ADGRL3: variants seen among roughly 807,000 people sequenced by gnomAD.
ADGRL3 encodes calcium-independent alpha-latrotoxin receptor 3.
A neutral mutation model predicts 153.5 loss-of-function variants in ADGRL3; 62 were observed. The ratio of observed to expected loss-of-function variants is 0.40; its 90% CI spans 0.33 to 0.50. ADGRL3 has a LOEUF of 0.50. Ranked by LOEUF, ADGRL3 falls within the 20% of genes least tolerant of loss-of-function variation. ADGRL3 has a pLI of 0.47. For missense variants in ADGRL3, 1,641 were observed against 1,859.4 expected, an observed-to-expected ratio of 0.88 and a Z score of 2.16; for synonymous variants, 710 against 672.5, an observed-to-expected ratio of 1.06 and a Z score of -0.86.
At chr4:61,591,122 A>T (rs1008410090) in intron 5 of ADGRL3, among the ~76,000 whole-genome samples, 1 of 152,164 alleles carries the variant, frequency 6.6e-6, no homozygotes, top group Admixed American at 6.6e-5. Flanking sequence ...GGATTGCCCT[A>T]TCCTGATTTG....
intron 1 of ADGRL3, among the ~76,000 whole-genome samples, chr4:61,205,529 A>G (rs1297105738): frequency 3.9e-5 from 6 of 152,230 alleles, no homozygotes; most frequent in Non-Finnish European, 7.3e-5. Context: ...GAGGAACCCT[A>G]AAGAATACAG....
At chr4:61,533,780 C>T (rs565397449) in intron 4 of ADGRL3, among the ~76,000 whole-genome samples, 15 of 152,086 alleles carry the variant, frequency 9.9e-5, no homozygotes, top group African/African-American at 2.2e-4. Flanking sequence ...ACTTATTACT[C>T]GTGAAATGGA....
intron 1 of ADGRL3, among the ~76,000 whole-genome samples, chr4:61,337,828 G>T (rs961481330): frequency 6.6e-6 from 1 of 151,904 alleles, no homozygotes. Flanking sequence ...CAATTATTTG[G>T]GCAGAGCATT....
At chr4:61,977,053 T>A (rs965393048) in intron 17 of ADGRL3, among the ~76,000 whole-genome samples, 1 of 152,170 alleles carries the variant, frequency 6.6e-6, no homozygotes. Context: ...GAGTTACAAA[T>A]TTTTGCTACT....
intron 12 of ADGRL3, among the ~76,000 whole-genome samples, 164 bp from the exon 13 acceptor site, chr4:61,912,555 T>A (rs997933532): frequency 1.3e-5 from 2 of 152,236 alleles, no homozygotes; most frequent in Non-Finnish European, 2.9e-5. Flanking sequence ...AAGCCATTGC[T>A]TGCTTACATT....
chr4:61,836,217 C>T (rs1255097683), intron 9 of ADGRL3, among the ~76,000 whole-genome samples: 1 of 152,090 alleles, frequency 6.6e-6, no homozygotes, highest in East Asian at 1.9e-4. Context: ...TTTAAAATTT[C>T]TAAACTAGAA....
intron 6 of ADGRL3, among the ~76,000 whole-genome samples, chr4:61,693,853 T>A (rs887570740): frequency 2.6e-5 from 4 of 152,146 alleles, no homozygotes; most frequent in African/African-American, 9.7e-5. Flanking sequence ...AGATATACTT[T>A]GATTCCACTT....
intron 5 of ADGRL3, among the ~76,000 whole-genome samples, chr4:61,615,160 G>T (rs2091852232): frequency 6.6e-6 from 1 of 152,086 alleles, no homozygotes; most frequent in Non-Finnish European, 1.5e-5. Flanking sequence ...GAAAATATTA[G>T]TTTGAGGTAT....
At chr4:61,604,437 A>G (rs2099024044) in intron 5 of ADGRL3, among the ~76,000 whole-genome samples, 1 of 152,224 alleles carries the variant, frequency 6.6e-6, no homozygotes, top group African/African-American at 2.4e-5. Flanking sequence ...AAATACCATA[A>G]TATTTTTCTC....
intron 5 of ADGRL3, among the ~76,000 whole-genome samples, chr4:61,614,455 GA>G (rs2149730489): frequency 6.6e-6 from 1 of 152,190 alleles, no homozygotes; most frequent in Non-Finnish European, 1.5e-5. Context: ...TTCACTGCAG[GA>G]TGTGAGCAAT....
chr4:61,413,110 G>T (rs1030928110), intron 2 of ADGRL3, among the ~76,000 whole-genome samples: 3 of 152,120 alleles, frequency 2.0e-5, no homozygotes, highest in African/African-American at 7.2e-5. Context: ...ACTGCAGGTG[G>T]AGCTGATAGA....
chr4:61,443,051 A>G (rs1358929512), intron 2 of ADGRL3, among the ~76,000 whole-genome samples: 1 of 152,216 alleles, frequency 6.6e-6, no homozygotes, highest in African/African-American at 2.4e-5. Context: ...AGACTTAGAT[A>G]CAAAGCCATT....
At chr4:61,403,691 G>A (rs745684905) in intron 2 of ADGRL3, among the ~76,000 whole-genome samples, 6 of 152,060 alleles carry the variant, frequency 3.9e-5, no homozygotes, top group Non-Finnish European at 7.4e-5. Flanking sequence ...GGAGTCAGAC[G>A]TGCAGTTGAT....
In ADGRL3 at chr4:61,912,722, C is replaced by T; in HGVS notation, c.2077C>T (p.Gln693Ter). 6.2e-7 allele frequency: 1 copy of T among 1,613,186 alleles called. No individual in the cohort carries two copies. Among genetic ancestry groups the T allele is most frequent in the Non-Finnish European group, 8.5e-7 (1 of 1,179,404 alleles). ...TCTGCTGTCTTAATGGATTCAGCTT[C>T]AGAAAAGAGAGCGCTCTTGCAGAGC... Reference protein sequence around the residue: ...DSAARSLNKLQKRERSCRAYV... With the variant: ...DSAARSLNKL The change falls in exon 13 of 27, where the codon CAG (glutamine) becomes TAG (stop). Residue 693 changes from glutamine to a stop codon, truncating the protein, a stop_gained. Coordinates refer to ENST00000683033, the MANE Select transcript of ADGRL3 (RefSeq NM_001387552.1). LOFTEE classifies it high-confidence loss of function.
At chr4:61,488,636 T>G (rs973498379) in intron 2 of ADGRL3, among the ~76,000 whole-genome samples, 2 of 151,988 alleles carry the variant, frequency 1.3e-5, no homozygotes, top group African/African-American at 4.8e-5. Context: ...CATCCTATGT[T>G]TTTTTCCGTT....
intron 9 of ADGRL3, among the ~76,000 whole-genome samples, chr4:61,881,453 A>T (rs144453453): frequency 1.8e-3 from 273 of 152,268 alleles, no homozygotes; most frequent in African/African-American, 6.3e-3. Flanking sequence ...ATCTTGGCTC[A>T]CTGCAACCTC....
intron 2 of ADGRL3, among the ~76,000 whole-genome samples, chr4:61,465,912 A>AG (rs1317497149): frequency 6.6e-6 from 1 of 151,762 alleles, no homozygotes; most frequent in Non-Finnish European, 1.5e-5. Context: ...GCCTGAACTC[A>AG]GGTGTTCGAG....
At chr4:61,971,083 T>A (rs773059186) in intron 17 of ADGRL3, among the ~76,000 whole-genome samples, 38 of 152,114 alleles carry the variant, frequency 2.5e-4, no homozygotes, top group Non-Finnish European at 4.6e-4. Context: ...CTCAGCTATA[T>A]TACAAATATT....
At chr4:61,531,778 C>A (rs549068850) in intron 4 of ADGRL3, among the ~76,000 whole-genome samples, 2 of 148,422 alleles carry the variant, frequency 1.3e-5, no homozygotes, top group East Asian at 3.9e-4. Flanking sequence ...TAATAGTACA[C>A]TTTACATTTC....
Sources: allele counts gnomAD v4.1 joint callset (sites outside exome capture counted in the v4.1 genomes callset), GRCh38; gene constraint gnomAD v4.1.1; transcripts MANE v1.5; gene names NCBI Gene and HGNC (gene_info 2026-07-23, HGNC 2026-07-21).